The following PSME3IP1 variants were observed in gnomAD, a reference collection of about 807,000 sequenced individuals.
PSME3IP1 encodes the protein PSME3-interacting protein.
A neutral mutation model predicts 34.1 loss-of-function variants in PSME3IP1; 13 were observed. The ratio of observed to expected loss-of-function variants is 0.38; its 90% CI spans 0.25 to 0.61. The LOEUF (loss-of-function observed/expected upper bound fraction) is 0.61, where lower values mean the gene tolerates loss of function less well. Ranked by LOEUF, PSME3IP1 falls within the 20% of genes least tolerant of loss-of-function variation. The pLI is 0.60. For synonymous variants in PSME3IP1, 93 were observed against 114.3 expected (o/e 0.81, Z 1.19); for missense variants, 237 against 301.4 (o/e 0.79, Z 1.58).
At chr16:57,183,067 C>T (rs2073878136) in intron 1 of PSME3IP1, among the ~76,000 whole-genome samples, 1 of 152,170 alleles carries the variant, frequency 6.6e-6, no homozygotes, top group African/African-American at 2.4e-5. Context: ...AACTAGGTTA[C>T]AGGCCATAAG....
At chr16:57,167,320 C>T in intron 4 of PSME3IP1, 94 bp from the exon 5 acceptor site, 1 of 1,397,672 alleles carries the variant, frequency 7.2e-7, no homozygotes, top group South Asian at 1.2e-5. Flanking sequence ...GTCTGGCCTA[C>T]TTATTTAAAT....
intron 5 of PSME3IP1, among the ~76,000 whole-genome samples, chr16:57,165,258 A>G (rs1441538963): frequency 1.3e-5 from 2 of 151,936 alleles, no homozygotes; most frequent in African/African-American, 2.4e-5. Flanking sequence ...CAATATGGAG[A>G]TTTAAAAAAT....
chr16:57,175,890 G>A (rs1292530084), intron 1 of PSME3IP1, among the ~76,000 whole-genome samples: 9 of 152,116 alleles, frequency 5.9e-5, no homozygotes, highest in Non-Finnish European at 1.2e-4. Context: ...AAACCCAAAC[G>A]TTCAGAACAA....
rs150751913 is a variant in PSME3IP1, at chr16:57,163,064, G to T, written c.547+937C>A. On this transcript the variant is annotated intron_variant, in intron 6 of 6. Transcript: ENST00000309137. Reference sequence around the variant, plus strand: ...CCTGTAATCCCAAATACTCGGGAGGGTGAGGCAGGAGAATTACTTGAGCCC... The same window carrying T: ...CCTGTAATCCCAAATACTCGGGAGGTTGAGGCAGGAGAATTACTTGAGCCC... Among the ~76,000 whole-genome samples the T allele has an allele frequency of 3.0e-3, 460 of 152,222 alleles. 2 individuals are homozygous for T. The highest frequency in any genetic ancestry group is 0.01 in the African/African-American group (427 of 41,538).
At chr16:57,178,834 A>C (rs1360823504) in intron 1 of PSME3IP1, 1 of 984,914 alleles carries the variant, frequency 1.0e-6, no homozygotes, top group African/African-American at 1.7e-5. Context: ...TTGTTTGAAG[A>C]GTCCAATGGC....
intron 6 of PSME3IP1, among the ~76,000 whole-genome samples, chr16:57,155,769 GC>G (rs2070441358): frequency 6.6e-6 from 1 of 152,034 alleles, no homozygotes; most frequent in South Asian, 2.1e-4. Context: ...TCGCGCTACT[GC>G]ACTCCAGCCT....
rs1358714049 is a variant in PSME3IP1, at chr16:57,154,274, T to C, written c.*16A>G. The C allele has an allele frequency of 1.2e-6, 2 of 1,608,972 alleles. No homozygotes were observed. The highest frequency in any genetic ancestry group is 1.3e-5 in the African/African-American group (1 of 74,960). ...TCTACCCTTGGGGAGGAGCTCCCTG[T>C]GTAGGGACGGAGAAACTAGGGGGCC... On this transcript the variant is annotated 3_prime_UTR_variant, in exon 7 of 7. Transcript: ENST00000309137. This position sits in a 1 kb window ranked among gnomAD's most constrained non-coding sequence, Gnocchi z 4.0.
At position 57,152,851 on chromosome 16, in the gene PSME3IP1, G is replaced by A. The variant is rs1357623934; in HGVS notation, c.*1439C>T. ...CATCAGTTATGGGTGCAGGGAAGTC[G>A]CCATCTGCCAATGGGCACCAGAGTG... On this transcript the variant is annotated 3_prime_UTR_variant, in exon 7 of 7. Transcript: ENST00000309137. 4.6e-5 allele frequency: 7 copies of A among 152,568 alleles called. No homozygotes were observed. Among genetic ancestry groups the A allele is most frequent in the African/African-American group, 9.7e-5 (4 of 41,448 alleles). 9.5% of individuals were successfully genotyped at this position (152,568 alleles called of 1,614,324 possible).
Position 57,154,364 on chromosome 16 carries a change from C to T in PSME3IP1, c.691G>A (p.Glu231Lys), listed in dbSNP as rs1213586579. ...SSDSESSSDS[E>K]GTINATGKIV... ...TTTCCGGTGGCATTGATGGTGCCTT[C>T]GCTGTCTGAGCTGGACTCGGAGTCG... The change falls in exon 7 of 7, where the codon GAA (glutamate) becomes AAA (lysine). Residue 231 changes from glutamate to lysine, a missense_variant. Glu to Lys is a moderately conservative substitution (Grantham distance 56). Transcript: ENST00000309137. This position sits in a 1 kb window ranked among gnomAD's most constrained non-coding sequence, Gnocchi z 4.0. 3.7e-6 allele frequency: 6 copies of T among 1,614,038 alleles called. No homozygotes were observed. Among genetic ancestry groups the T allele is most frequent in the South Asian group, 3.3e-5 (3 of 91,070 alleles).
chr16:57,158,813 C>T (rs1333882728), intron 6 of PSME3IP1, among the ~76,000 whole-genome samples: 1 of 152,172 alleles, frequency 6.6e-6, no homozygotes, highest in Non-Finnish European at 1.5e-5. Context: ...TAGCCTACTA[C>T]ACATGTAGGC....
rs1230705454 is a variant in PSME3IP1, at chr16:57,165,657, G to A, written c.482+1436C>T. The stretch of plus-strand genomic sequence containing the variant: ...GAACCAGAATTAGTGCAAGGCCTGC[G>A]AATATAAATTATTAACAAACTCCCA... On this transcript the variant is annotated intron_variant, in intron 5 of 6. Transcript: ENST00000309137. Among the ~76,000 whole-genome samples, 9 of 152,228 alleles carry A rather than the reference G, an allele frequency of 5.9e-5. No individual in the cohort carries two copies. In the East Asian group the frequency reaches 7.7e-4, roughly 13 times the overall value.
intron 1 of PSME3IP1, among the ~76,000 whole-genome samples, chr16:57,181,376 T>C (rs966133051): frequency 2.6e-5 from 4 of 151,780 alleles, no homozygotes; most frequent in Non-Finnish European, 4.4e-5. Context: ...CCTGAGGATA[T>C]AGAGAAAAAA....
At chr16:57,181,920 C>G (rs1054410486) in intron 1 of PSME3IP1, 1 of 152,230 alleles carries the variant, frequency 6.6e-6, no homozygotes. Flanking sequence ...AGAAGCTCCC[C>G]AATCCCAGTC....
chr16:57,177,008 C>T (rs1270601262), intron 1 of PSME3IP1, among the ~76,000 whole-genome samples: 4 of 152,110 alleles, frequency 2.6e-5, no homozygotes, highest in African/African-American at 9.7e-5. Context: ...GTGTGTGCTA[C>T]CATGCCCGGC....
intron 6 of PSME3IP1, among the ~76,000 whole-genome samples, chr16:57,163,229 G>A (rs1292721417): frequency 1.3e-5 from 2 of 152,068 alleles, no homozygotes; most frequent in African/African-American, 2.4e-5. Context: ...GAAGAGATAC[G>A]GGTAAAAGGC....
At chr16:57,164,381 C>T (rs2071611842) in intron 5 of PSME3IP1, among the ~76,000 whole-genome samples, 1 of 152,152 alleles carries the variant, frequency 6.6e-6, no homozygotes, top group South Asian at 2.1e-4. Context: ...AATATTTAGA[C>T]ATGTTCATAA....
chr16:57,157,612 C>CT (rs368277337), intron 6 of PSME3IP1, among the ~76,000 whole-genome samples: 74 of 150,532 alleles, frequency 4.9e-4, no homozygotes, highest in African/African-American at 1.7e-3. Flanking sequence ...TTTTCCTTTT[C>CT]TTTTTTTTCT....
chr16:57,177,201 A>G (rs2073258486), intron 1 of PSME3IP1, among the ~76,000 whole-genome samples: 1 of 151,998 alleles, frequency 6.6e-6, no homozygotes. Flanking sequence ...TATGCCAAAA[A>G]CAACAACAAC....
chr16:57,154,283 G>A lies in PSME3IP1; in HGVS notation c.*7C>T, dbSNP rs374594288. On this transcript the variant is annotated 3_prime_UTR_variant, in exon 7 of 7. Coordinates refer to ENST00000309137, the MANE Select transcript of PSME3IP1 (RefSeq NM_024946.4). This position sits in a 1 kb window ranked among gnomAD's most constrained non-coding sequence, Gnocchi z 4.0. ...GGGGAGGAGCTCCCTGTGTAGGGAC[G>A]GAGAAACTAGGGGGCCTCGAGGAAG... 5.7e-4 allele frequency: 915 copies of A among 1,613,306 alleles called. No homozygotes were observed. Among genetic ancestry groups the A allele is most frequent in the Non-Finnish European group, 7.5e-4 (881 of 1,179,718 alleles).
Sources: allele counts gnomAD v4.1 joint callset (sites outside exome capture counted in the v4.1 genomes callset), GRCh38; gene constraint gnomAD v4.1.1; non-coding constraint Gnocchi (gnomAD v3.1); transcripts MANE v1.5; gene names NCBI Gene and HGNC (gene_info 2026-07-23, HGNC 2026-07-21).